The following DOC2B variants were observed in gnomAD, a reference collection of about 807,000 sequenced individuals.
DOC2B encodes double C2 domain beta, also known as double C2-like domain-containing protein beta.
In DOC2B, 21 loss-of-function variants were observed where a neutral mutation model predicts 28.9. That is an observed-to-expected ratio of 0.73 (90% CI 0.52 to 1.05). The LOEUF is 1.05. DOC2B is among the 50% of genes least tolerant of loss of function. The pLI, the probability that DOC2B is intolerant of heterozygous loss-of-function variation, is 0.00. For missense variants in DOC2B, 384 were observed against 421.1 expected, an observed-to-expected ratio of 0.91 and a Z score of 0.77; for synonymous variants, 194 against 178.1, an observed-to-expected ratio of 1.09 and a Z score of -0.71.
At chr17:150,338 C>T (rs2040058811) in intron 6 of DOC2B, among the ~76,000 whole-genome samples, 1 of 152,150 alleles carries the variant, frequency 6.6e-6, no homozygotes, top group Admixed American at 6.6e-5. Context: ...GCTTAACAAA[C>T]ATCTGTCCAG....
chr17:147,463 G>T lies in DOC2B; in HGVS notation c.1217C>A (p.Pro406Gln). 2.5e-6 allele frequency: 1 copy of T among 398,770 alleles called. No individual in the cohort carries two copies. The highest frequency in any genetic ancestry group is 4.4e-5 in the Admixed American group (1 of 22,742). 24.7% of individuals were successfully genotyped at this position (398,770 alleles called of 1,614,324 possible). A position where few individuals can be genotyped will look rare whatever the true frequency, so the allele number is the denominator to read the frequency against. Reference protein sequence around the residue: ...ERWHTLTSELPGAVLSD With the variant: ...ERWHTLTSELQGAVLSD ...GCGTCAGTCGCTGAGCACAGCCCCT[G>T]GGAGCTCGCTGGTGAGCGTGTGCCA... The change falls in exon 9 of 9, where the codon CCA becomes CAA. Residue 406 changes from proline (P) to glutamine (Q), a missense_variant. Physicochemically the swap from Pro to Gln is moderately conservative, Grantham distance 76 (BLOSUM62 -1). Transcript: ENST00000613549.
At chr17:172,652 C>A (rs1181660582) in intron 1 of DOC2B, 36 bp from the exon 2 acceptor site, 8 of 1,520,762 alleles carry the variant, frequency 5.3e-6, no homozygotes, top group Non-Finnish European at 7.1e-6. Flanking sequence ...CCACCCTGGC[C>A]GCATCTTGGA....
At position 162,093 on chromosome 17, in the gene DOC2B, C is replaced by G; in HGVS notation, c.626G>C (p.Arg209Pro). The change falls in exon 4 of 9, where the codon CGC becomes CCC. Residue 209 changes from arginine to proline, a missense_variant. By Grantham distance (103) the Arg-to-Pro change is moderately radical. Coordinates refer to ENST00000613549, the MANE Select transcript of DOC2B (RefSeq NM_003585.5). ...YYGITDEDMI[R>P]KTLRISVCDE... Reference sequence around the variant, plus strand: ...GACCCTCACCCACCGCAGGGTCTTGCGGATCATGTCTTCATCTGTGATCCC... The same window carrying G: ...GACCCTCACCCACCGCAGGGTCTTGGGGATCATGTCTTCATCTGTGATCCC... 6.4e-7 allele frequency: 1 copy of G among 1,550,888 alleles called. No homozygotes were observed. Among genetic ancestry groups the G allele is most frequent in the Non-Finnish European group, 8.7e-7 (1 of 1,146,228 alleles).
At chr17:151,729 G>A (rs1004410789) in intron 6 of DOC2B, among the ~76,000 whole-genome samples, 5 of 152,144 alleles carry the variant, frequency 3.3e-5, no homozygotes, top group African/African-American at 9.7e-5. Context: ...AGGGTCCTGC[G>A]TGCCCTGCCT....
intron 2 of DOC2B, among the ~76,000 whole-genome samples, chr17:169,166 C>T (rs1006006182): frequency 3.9e-5 from 6 of 152,166 alleles, no homozygotes; most frequent in East Asian, 1.9e-4. Context: ...AGTTTTGACA[C>T]GTGCTGCAAT....
chr17:165,108 G>GCATGT, intron 2 of DOC2B, among the ~76,000 whole-genome samples: 1 of 151,426 alleles, frequency 6.6e-6, no homozygotes, highest in African/African-American at 2.5e-5. Context: ...ACTGGCAAAG[G>GCATGT]GCAGAGGTTT....
intron 2 of DOC2B, among the ~76,000 whole-genome samples, chr17:168,948 A>G (rs1262332505): frequency 6.6e-6 from 1 of 152,174 alleles, no homozygotes; most frequent in Admixed American, 6.5e-5. Context: ...AAAATGGACT[A>G]ATACAGGGAG....
intron 2 of DOC2B, among the ~76,000 whole-genome samples, 163 bp downstream of exon 2, chr17:172,371 CAAG>C (rs1158459858): frequency 2.0e-5 from 3 of 152,172 alleles, no homozygotes; most frequent in Non-Finnish European, 4.4e-5. Flanking sequence ...GTTGGGTATT[CAAG>C]AAGGTTTAAA....
At position 181,266 on chromosome 17, in the gene DOC2B, G is replaced by A. The variant is rs1157366996; in HGVS notation, c.214C>T (p.Pro72Ser). 17 of 1,207,642 alleles carry A rather than the reference G, an allele frequency of 1.4e-5. No homozygotes were observed. Among genetic ancestry groups the A allele is most frequent in the Non-Finnish European group, 1.6e-5 (16 of 972,782 alleles). The allele number at this position is 1,207,642 out of a possible 1,614,324, so 74.8% of individuals were successfully genotyped here. A position where few individuals can be genotyped will look rare whatever the true frequency, so the allele number is the denominator to read the frequency against. ...TCGTCCTCGCGGGCGCCGTCGGAGG[G>A]GCTGCGGCGGCCGGCACCGGCCACA... The part of the protein sequence containing the change: ...PAVAGAGRRS[P>S]SDGAREDDED... Residue 72 changes from proline (P) to serine (S), a missense_variant, in exon 1 of 9, where the codon CCC (proline) becomes TCC (serine). Pro to Ser is a moderately conservative substitution (Grantham distance 74, BLOSUM62 -1). Coordinates refer to ENST00000613549, the MANE Select transcript of DOC2B (RefSeq NM_003585.5). This position sits in a 1 kb window ranked among gnomAD's most constrained non-coding sequence, Gnocchi z 7.0.
At chr17:149,396 G>A (rs1567525877) in intron 6 of DOC2B, among the ~76,000 whole-genome samples, 1 of 152,068 alleles carries the variant, frequency 6.6e-6, no homozygotes, top group African/African-American at 2.4e-5. Context: ...TTCATCCACC[G>A]CACTTCTGTT....
intron 2 of DOC2B, among the ~76,000 whole-genome samples, chr17:165,236 C>T (rs948959402): frequency 6.6e-6 from 1 of 152,090 alleles, no homozygotes; most frequent in African/African-American, 2.4e-5. Context: ...TGGCCGGGCA[C>T]GGTGGCTCAC....
chr17:160,983 C>T (rs866310340), intron 5 of DOC2B, among the ~76,000 whole-genome samples: 1 of 152,098 alleles, frequency 6.6e-6, no homozygotes, highest in Non-Finnish European at 1.5e-5. Context: ...GCTTCAGTGG[C>T]TCAGGCCCCA....
intron 6 of DOC2B, among the ~76,000 whole-genome samples, chr17:153,165 C>A (rs1484192236): frequency 6.6e-6 from 1 of 152,174 alleles, no homozygotes; most frequent in Non-Finnish European, 1.5e-5. Flanking sequence ...GCCACGTGAC[C>A]TGGCCCACGG....
In DOC2B at chr17:144,155, T is replaced by TTTTTTTTGGCATCAGATTTCCTGTC. The variant is rs2040003653; in HGVS notation, c.*3285_*3286insGACAGGAAATCTGATGCCAAAAAAA. 1 of 151,742 alleles carries TTTTTTTTGGCATCAGATTTCCTGTC rather than the reference T, an allele frequency of 6.6e-6. No individual in the cohort carries two copies. The highest frequency in any genetic ancestry group is 1.5e-5 in the Non-Finnish European group (1 of 67,754). The allele number at this position is 151,742 out of a possible 1,614,324, so 9.4% of individuals were successfully genotyped here. On this transcript the variant is annotated 3_prime_UTR_variant, in exon 9 of 9. Transcript: ENST00000613549. Reference sequence around the variant, plus strand: ...TACTGACACCTGGAATGACTTTTTTTTTTTGGCATCAGATTTCCTGTCTTT... The same window carrying TTTTTTTTGGCATCAGATTTCCTGTC: ...TACTGACACCTGGAATGACTTTTTTTTTTTTTTGGCATCAGATTTCCTGTCTTTTGGCATCAGATTTCCTGTCTTT...
At chr17:149,248 T>C in intron 6 of DOC2B, 56 bp from the exon 7 acceptor site, 1 of 399,084 alleles carries the variant, frequency 2.5e-6, no homozygotes, top group Non-Finnish European at 4.4e-6. Flanking sequence ...GGGGTATAGA[T>C]CAAGCCAGCA....
At chr17:177,150 G>C (rs2040379473) in intron 1 of DOC2B, among the ~76,000 whole-genome samples, 1 of 151,666 alleles carries the variant, frequency 6.6e-6, no homozygotes, top group Non-Finnish European at 1.5e-5. Context: ...TTTATAGTTG[G>C]GGAAACAGCC....
At position 147,094 on chromosome 17, in the gene DOC2B, C is replaced by G; in HGVS notation, c.*347G>C. 1 of 219,470 alleles carries G rather than the reference C, an allele frequency of 4.6e-6. No homozygotes were observed. Among genetic ancestry groups the G allele is most frequent in the African/African-American group, 2.3e-5 (1 of 44,060 alleles). 13.6% of individuals were successfully genotyped at this position (219,470 alleles called of 1,614,324 possible). On this transcript the variant is annotated 3_prime_UTR_variant, in exon 9 of 9. Coordinates refer to ENST00000613549, the MANE Select transcript of DOC2B (RefSeq NM_003585.5). The stretch of plus-strand genomic sequence containing the variant: ...CCTCTGTTCCCACTGTCCGCCAAGG[C>G]GCCCCCACACTCCTGTCCTCTCAGC...
intron 1 of DOC2B, among the ~76,000 whole-genome samples, chr17:173,202 T>A (rs2040331948): frequency 6.6e-6 from 1 of 152,012 alleles, no homozygotes; most frequent in Admixed American, 6.5e-5. Context: ...CAGTGGTAAC[T>A]CCCAAAAGCC....
chr17:169,997 C>T (rs1429091146), intron 2 of DOC2B, among the ~76,000 whole-genome samples: 1 of 152,196 alleles, frequency 6.6e-6, no homozygotes, highest in Non-Finnish European at 1.5e-5. Context: ...TATGTGCATA[C>T]ACACAAACGC....
Sources: allele counts gnomAD v4.1 joint callset (sites outside exome capture counted in the v4.1 genomes callset), GRCh38; gene constraint gnomAD v4.1.1; non-coding constraint Gnocchi (gnomAD v3.1); transcripts MANE v1.5; gene names NCBI Gene and HGNC (gene_info 2026-07-23, HGNC 2026-07-21).